Variants in CNGA1 observed in about 807,000 individuals in gnomAD.
CNGA1 encodes cyclic nucleotide-gated channel alpha-1.
A neutral mutation model predicts 69.7 loss-of-function variants in CNGA1; 53 were observed. The observed-to-expected ratio is 0.76, with a 90% CI of 0.61 to 0.96. The LOEUF is 0.96. CNGA1 is among the 40% of genes least tolerant of loss of function. The pLI is 0.00. For synonymous variants in CNGA1, 249 were observed against 283.5 expected (o/e 0.88, Z 1.22); for missense variants, 739 against 811.2 (o/e 0.91, Z 1.08).
At chr4:47,962,984 G>T (rs577027213) in intron 3 of CNGA1, among the ~76,000 whole-genome samples, 4 of 151,604 alleles carry the variant, frequency 2.6e-5, no homozygotes, top group African/African-American at 7.3e-5. Context: ...TTGACACAGG[G>T]TCTTACCCTG....
intron 3 of CNGA1, among the ~76,000 whole-genome samples, chr4:47,965,186 T>G (rs60593073): frequency 0.11 from 17,245 of 152,122 alleles, 1,571 homozygotes; most frequent in East Asian, 0.31. Flanking sequence ...AAATGCCTCT[T>G]GATTTTCATT....
chr4:47,970,684 G>A (rs957114065), intron 3 of CNGA1, among the ~76,000 whole-genome samples: 13 of 149,046 alleles, frequency 8.7e-5, no homozygotes, highest in South Asian at 2.1e-4. Context: ...AGATTTCACC[G>A]TTGTCTACTG....
intron 9 of CNGA1, 112 bp downstream of exon 9, chr4:47,941,929 A>C: frequency 8.8e-6 from 6 of 685,386 alleles, no homozygotes; most frequent in East Asian, 2.7e-5. Context: ...CACCTGCAGT[A>C]GAGAAAGGAG....
At position 47,943,226 on chromosome 4, in the gene CNGA1, T is replaced by A; in HGVS notation, c.392A>T (p.Lys131Ile). Residue 131 changes from lysine to isoleucine, a missense_variant, in exon 8 of 11, where the codon AAA becomes ATA. Transcript: ENST00000514170. ...TTTCTCCTCTTTCTTTTTCTTCTCT[T>A]TGTCCTTTTTCTTCTTTTTCTTCTC... ...DPEKKKKKKD[K>I]EKKKKEEKSK... The A allele has an allele frequency of 6.2e-7, 1 of 1,603,816 alleles. No homozygotes were observed.
intron 3 of CNGA1, among the ~76,000 whole-genome samples, chr4:47,971,813 G>A (rs774611720): frequency 2.0e-5 from 3 of 152,144 alleles, no homozygotes; most frequent in Non-Finnish European, 4.4e-5. Context: ...AGAATCACTT[G>A]AACCTGGGAG....
chr4:47,971,168 TTG>T (rs34771990), intron 3 of CNGA1: 30,694 of 372,834 alleles, frequency 0.082, 296 homozygotes, highest in African/African-American at 0.11. Context: ...ATATCTATAT[TTG>T]TGTGTGTGTG....
At position 47,987,665 on chromosome 4, in the gene CNGA1, A is replaced by T. The variant is rs115217368; in HGVS notation, c.-122-6165T>A. Among the ~76,000 whole-genome samples the T allele has an allele frequency of 5.3e-3, 802 of 152,340 alleles. 5 individuals are homozygous for T. Among genetic ancestry groups the T allele is most frequent in the African/African-American group, 0.018 (754 of 41,568 alleles). ...TAATAAGATGGGAAAGACAATAAAT[A>T]AAGTAATAAATATATAAGCACTCAG... On this transcript the variant is annotated intron_variant, in intron 2 of 10. Transcript: ENST00000514170.
At chr4:47,984,610 G>C (rs1741894185) in intron 2 of CNGA1, among the ~76,000 whole-genome samples, 1 of 149,030 alleles carries the variant, frequency 6.7e-6, no homozygotes, top group African/African-American at 2.5e-5. Flanking sequence ...AAGGCATTGA[G>C]ACTCCATCTC....
Position 47,936,748 on chromosome 4 carries a change from C to G in CNGA1, c.1734G>C (p.Met578Ile). Residue 578 changes from methionine (M) to isoleucine (I), a missense_variant, in exon 11 of 11, where the codon ATG (methionine) becomes ATC (isoleucine). Met to Ile is a conservative substitution (Grantham distance 10). Coordinates refer to ENST00000514170, the MANE Select transcript of CNGA1 (RefSeq NM_001379270.1). ...DLFCLSKDDL[M>I]EALTEYPDAK... The stretch of plus-strand genomic sequence containing the variant: ...CATCTGGGTACTCAGTTAGAGCTTC[C>G]ATGAGGTCATCTTTTGAGAGACAGA... 1 of 1,614,134 alleles carries G rather than the reference C, an allele frequency of 6.2e-7. No homozygotes were observed. The highest frequency in any genetic ancestry group is 2.2e-5 in the East Asian group (1 of 44,880).
intron 4 of CNGA1, 30 bp from the exon 5 acceptor site, chr4:47,951,499 G>T: frequency 1.4e-6 from 2 of 1,395,710 alleles, no homozygotes; most frequent in South Asian, 2.3e-5. Context: ...AGAGAGAGAA[G>T]AGTTAATGTT....
At position 47,976,455 on chromosome 4, in the gene CNGA1, CT is replaced by C. The variant is rs368295005; in HGVS notation, c.-15+4937del. ...CTTACTTCGTTTCTCTTTATATCCC[CT>C]GAGAGAAGACAAGTGCAAATTTCTT... On this transcript the variant is annotated intron_variant, in intron 3 of 10. Coordinates refer to ENST00000514170, the MANE Select transcript of CNGA1 (RefSeq NM_001379270.1). 2.6e-3 allele frequency among the ~76,000 whole-genome samples: 399 copies of C among 151,146 alleles called. 2 individuals carry two copies. Among genetic ancestry groups the C allele is most frequent in the Middle Eastern group, 0.014 (4 of 290 alleles).
intron 2 of CNGA1, among the ~76,000 whole-genome samples, chr4:47,993,309 T>C (rs964610693): frequency 2.0e-5 from 3 of 152,102 alleles, no homozygotes; most frequent in Non-Finnish European, 2.9e-5. Flanking sequence ...TGAATCTGTC[T>C]GGTTCTGGAC....
At chr4:47,998,499 G>T (rs941864617) in intron 2 of CNGA1, among the ~76,000 whole-genome samples, 8 of 152,190 alleles carry the variant, frequency 5.3e-5, no homozygotes, top group Admixed American at 2.0e-4. Flanking sequence ...CATGGACTTG[G>T]CACAGTGGCT....
In CNGA1 at chr4:47,984,059, T is replaced by A. The variant is rs573746837; in HGVS notation, c.-122-2559A>T. 2.8e-4 allele frequency among the ~76,000 whole-genome samples: 42 copies of A among 152,346 alleles called. 1 individual carries two copies. Among genetic ancestry groups the A allele is most frequent in the Admixed American group, 2.2e-3 (34 of 15,300 alleles). ...GGTAGTCTGTGTTTTATCTGATACC[T>A]CTATGTCTAGGCCTATCTGACTTCA... On this transcript the variant is annotated intron_variant, in intron 2 of 10. Coordinates refer to ENST00000514170, the MANE Select transcript of CNGA1 (RefSeq NM_001379270.1).
chr4:47,957,025 C>A (rs1740133119), intron 3 of CNGA1, among the ~76,000 whole-genome samples: 1 of 152,092 alleles, frequency 6.6e-6, no homozygotes, highest in Admixed American at 6.5e-5. Context: ...CCTCTGCCTC[C>A]CGGGTTCAAG....
intron 3 of CNGA1, among the ~76,000 whole-genome samples, chr4:47,964,000 G>A (rs1740597288): frequency 6.6e-6 from 1 of 152,124 alleles, no homozygotes. Context: ...CCAATAAATA[G>A]TAAATAAAGA....
chr4:47,940,850 G>A lies in CNGA1; in HGVS notation c.565C>T (p.Gln189Ter), dbSNP rs753628252. Residue 189 changes from glutamine (Q) to a stop codon, truncating the protein, a stop_gained, in exon 10 of 11, where the codon CAA becomes TAA. Coordinates refer to ENST00000514170, the MANE Select transcript of CNGA1 (RefSeq NM_001379270.1). LOFTEE classifies it high-confidence loss of function. ...VIARACFDEL[Q>*]SDYLEYWLIL... ...AGCCAATATTCTAGGTAATCAGATTGAAGTTCATCAAAACATGCTCTATAA... is the reference window on the plus strand; with the variant it reads ...AGCCAATATTCTAGGTAATCAGATTAAAGTTCATCAAAACATGCTCTATAA... 6.2e-7 allele frequency: 1 copy of A among 1,609,606 alleles called. No individual in the cohort carries two copies. The highest frequency in any genetic ancestry group is 1.7e-5 in the Admixed American group (1 of 59,924).
chr4:48,010,152 A>T (rs1715088282), intron 2 of CNGA1, among the ~76,000 whole-genome samples: 1 of 152,228 alleles, frequency 6.6e-6, no homozygotes, highest in South Asian at 2.1e-4. Context: ...ATCATAAGGT[A>T]TATAAAGAAA....
At chr4:47,962,311 C>T (rs1000243401) in intron 3 of CNGA1, among the ~76,000 whole-genome samples, 1 of 148,786 alleles carries the variant, frequency 6.7e-6, no homozygotes, top group Non-Finnish European at 1.5e-5. Context: ...GCCACTTGCA[C>T]TCCAGCCTGG....
Sources: allele counts gnomAD v4.1 joint callset (sites outside exome capture counted in the v4.1 genomes callset), GRCh38; gene constraint gnomAD v4.1.1; transcripts MANE v1.5; gene names NCBI Gene and HGNC (gene_info 2026-07-23, HGNC 2026-07-21).